Variants in ABCA13 observed in about 807,000 individuals in gnomAD.
ABCA13 encodes ATP-binding cassette sub-family A member 13.
Under a neutral mutation model 478.7 loss-of-function variants are expected in ABCA13, and 476 were observed. The observed-to-expected ratio is 0.99, with a 90% CI of 0.92 to 1.07. The LOEUF (loss-of-function observed/expected upper bound fraction) is 1.07. Ranked by LOEUF, ABCA13 falls within the 50% of genes least tolerant of loss-of-function variation. ABCA13 has a pLI of 0.00. For synonymous variants in ABCA13, 2,252 were observed against 2,158.9 expected (o/e 1.04, Z -1.20); for missense variants, 6,060 against 5,910.6 (o/e 1.03, Z -0.83).
chr7:48,412,094 C>T (rs980683769), intron 40 of ABCA13, among the ~76,000 whole-genome samples: 6 of 152,116 alleles, frequency 3.9e-5, no homozygotes, highest in African/African-American at 1.4e-4. Context: ...CCATGGCAGG[C>T]CCAGTAGCTA....
At chr7:48,549,416 T>C (rs1447013069) in intron 55 of ABCA13, among the ~76,000 whole-genome samples, 1 of 151,920 alleles carries the variant, frequency 6.6e-6, no homozygotes, top group Non-Finnish European at 1.5e-5. Context: ...TATGGCTGCA[T>C]AGTATTCCAT....
chr7:48,181,265 A>G (rs995065201), intron 1 of ABCA13, among the ~76,000 whole-genome samples: 1 of 152,164 alleles, frequency 6.6e-6, no homozygotes, highest in Non-Finnish European at 1.5e-5. Context: ...TTGCCCATCA[A>G]ATTCTTTCCA....
At chr7:48,416,762 C>T (rs1820061874) in intron 41 of ABCA13, among the ~76,000 whole-genome samples, 1 of 152,024 alleles carries the variant, frequency 6.6e-6, no homozygotes, top group South Asian at 2.1e-4. Flanking sequence ...TCCTCACCCT[C>T]CAGGTCCAGC....
chr7:48,590,272 T>C (rs1789585100), intron 57 of ABCA13, among the ~76,000 whole-genome samples: 1 of 149,142 alleles, frequency 6.7e-6, no homozygotes, highest in African/African-American at 2.5e-5. Context: ...AATATTTCAT[T>C]ACACACACAC....
At chr7:48,396,577 T>C (rs2129062597) in intron 38 of ABCA13, among the ~76,000 whole-genome samples, 1 of 152,276 alleles carries the variant, frequency 6.6e-6, no homozygotes, top group East Asian at 1.9e-4. Context: ...CATGTGGGCA[T>C]GGTCTCTGCA....
chr7:48,297,243 G>A lies in ABCA13; in HGVS notation c.9131G>A (p.Ser3044Asn). 2 of 1,605,250 alleles carry A rather than the reference G, an allele frequency of 1.2e-6. No individual in the cohort carries two copies. The highest frequency in any genetic ancestry group is 1.7e-6 in the Non-Finnish European group (2 of 1,175,718). The stretch of plus-strand genomic sequence containing the variant: ...TTCTGCCATTTTAGGTTGGCCAAAA[G>A]CCTCGAGGAAACTTGGTCATCAGGG... ...VQQHLYMLAK[S>N]LEETWSSGNP... The change falls in exon 22 of 62, where the codon AGC (serine) becomes AAC (asparagine). Residue 3044 changes from serine to asparagine, a missense_variant. Around this residue, in one of 3 missense-constraint regions of ABCA13, gnomAD observed 4,423 missense variants for 4,309.1 expected, o/e 1.03. Coordinates refer to ENST00000435803, the MANE Select transcript of ABCA13 (RefSeq NM_152701.5).
chr7:48,382,681 T>C (rs1247983594), intron 35 of ABCA13, among the ~76,000 whole-genome samples: 2 of 152,210 alleles, frequency 1.3e-5, no homozygotes, highest in African/African-American at 4.8e-5. Flanking sequence ...CATTCCTTTT[T>C]CTTGGGTTGA....
intron 42 of ABCA13, among the ~76,000 whole-genome samples, chr7:48,430,443 A>T (rs1336737015): frequency 1.3e-5 from 2 of 152,090 alleles, no homozygotes; most frequent in African/African-American, 2.4e-5. Context: ...TGGGAAGCTG[A>T]GCTGGGTGGA....
intron 6 of ABCA13, among the ~76,000 whole-genome samples, chr7:48,228,589 G>C (rs1788594203): frequency 6.6e-6 from 1 of 152,138 alleles, no homozygotes; most frequent in South Asian, 2.1e-4. Flanking sequence ...GAGCACATAG[G>C]GGAGGAGTGG....
intron 43 of ABCA13, among the ~76,000 whole-genome samples, chr7:48,457,663 T>TA (rs1448058462): frequency 1.3e-5 from 2 of 152,230 alleles, no homozygotes; most frequent in African/African-American, 4.8e-5. Context: ...TTACTTAACT[T>TA]ATGAAACAGA....
At chr7:48,392,690 C>A (rs373439210) in intron 38 of ABCA13, among the ~76,000 whole-genome samples, 2 of 152,160 alleles carry the variant, frequency 1.3e-5, no homozygotes, top group Non-Finnish European at 2.9e-5. Context: ...GAAGATCTCT[C>A]CTGCTAGATC....
chr7:48,445,032 G>A (rs1160368684), intron 42 of ABCA13, among the ~76,000 whole-genome samples: 2 of 141,162 alleles, frequency 1.4e-5, no homozygotes, highest in Non-Finnish European at 3.0e-5. Flanking sequence ...TTTTGAGACA[G>A]AGTTTCACTC....
chr7:48,420,882 G>A (rs1423698231), intron 41 of ABCA13, among the ~76,000 whole-genome samples: 1 of 152,030 alleles, frequency 6.6e-6, no homozygotes, highest in African/African-American at 2.4e-5. Flanking sequence ...TCAGTTGCAG[G>A]CCTCTTTAGT....
rs541469158 is a variant in ABCA13 at position 48,263,321 on chromosome 7, A to G, written c.2006-5659A>G. On this transcript the variant is annotated intron_variant, in intron 15 of 61. Coordinates refer to ENST00000435803, the MANE Select transcript of ABCA13 (RefSeq NM_152701.5). ...GAACAAAACAAAACAACTACACATG[A>G]TAAGTATGTGGTATAATAGAGACAT... Among the ~76,000 whole-genome samples, 11 of 152,058 alleles carry G rather than the reference A, an allele frequency of 7.2e-5. No homozygotes were observed. In the East Asian group the frequency reaches 1.5e-3, roughly 21 times the overall value.
chr7:48,532,652 A>AT (rs1421298605), intron 55 of ABCA13, among the ~76,000 whole-genome samples: 4 of 151,578 alleles, frequency 2.6e-5, no homozygotes, highest in East Asian at 1.9e-4. Context: ...TTTGTTGGTA[A>AT]TTTTTTTAAT....
intron 51 of ABCA13, among the ~76,000 whole-genome samples, chr7:48,515,888 G>A (rs181613778): frequency 6.6e-6 from 1 of 152,222 alleles, no homozygotes; most frequent in Admixed American, 6.5e-5. Flanking sequence ...GAGAAGCAGA[G>A]CAGAGAAGCT....
intron 59 of ABCA13, among the ~76,000 whole-genome samples, chr7:48,620,998 G>A (rs1468490344): frequency 6.6e-6 from 1 of 152,122 alleles, no homozygotes; most frequent in Non-Finnish European, 1.5e-5. Context: ...CCTGAGAGGA[G>A]CTGCAACTCT....
Position 48,274,627 on chromosome 7 carries a change from C to T in ABCA13, c.4961C>T (p.Ala1654Val), listed in dbSNP as rs1796052843. 3.7e-6 allele frequency: 6 copies of T among 1,613,840 alleles called. No individual in the cohort carries two copies. In the South Asian group the frequency reaches 6.6e-5, roughly 18 times the overall value. ...PVVHHTSPQN[A>V]GYMQALKKVT... Reference sequence around the variant, plus strand: ...GTTCATCACACTAGTCCACAAAATGCAGGTTATATGCAAGCTTTGAAGAAG... The same window carrying T: ...GTTCATCACACTAGTCCACAAAATGTAGGTTATATGCAAGCTTTGAAGAAG... The change falls in exon 17 of 62, where the codon GCA (alanine) becomes GTA (valine). Residue 1654 changes from alanine (A) to valine (V), a missense_variant. This residue lies in a region of ABCA13 where 4,423 missense variants were observed against 4,309.1 expected (regional missense o/e 1.03). Transcript: ENST00000435803.
chr7:48,329,569 C>G (rs1258630653), intron 27 of ABCA13, among the ~76,000 whole-genome samples: 1 of 152,094 alleles, frequency 6.6e-6, no homozygotes, highest in Non-Finnish European at 1.5e-5. Flanking sequence ...GTCCATCCAT[C>G]CATCCATCCA....
Sources: gnomAD v4.1 joint callset for allele counts (sites outside exome capture counted in the v4.1 genomes callset) on GRCh38, gnomAD v4.1.1 for gene constraint, gnomAD v4.1.1 regional missense constraint, MANE v1.5 for transcripts, NCBI Gene and HGNC (gene_info 2026-07-23, HGNC 2026-07-21) for gene names.